ITGA1: variants seen among roughly 807,000 people sequenced by gnomAD.
The protein encoded by ITGA1 is integrin subunit alpha 1.
In ITGA1, 85 loss-of-function variants were observed where a neutral mutation model predicts 145.9. That is an observed-to-expected ratio of 0.58 (90% CI 0.49 to 0.70). ITGA1 has a LOEUF of 0.70. Among genes scored for constraint, ITGA1 ranks in the 30% least tolerant of loss-of-function variants. ITGA1 has a pLI of 0.00. For synonymous variants in ITGA1, 520 were observed against 495.3 expected (o/e 1.05, Z -0.66); for missense variants, 1,351 against 1,418.7 (o/e 0.95, Z 0.77).
At chr5:52,938,679 G>C (rs1751007991) in intron 24 of ITGA1, among the ~76,000 whole-genome samples, 1 of 152,100 alleles carries the variant, frequency 6.6e-6, no homozygotes, top group African/African-American at 2.4e-5. Flanking sequence ...AGGTTTACTA[G>C]GTTAAGTCTA....
At chr5:52,904,972 T>A (rs1750375342) in intron 11 of ITGA1, 1 of 152,172 alleles carries the variant, frequency 6.6e-6, no homozygotes, top group Admixed American at 6.5e-5. Flanking sequence ...TTAACACCTA[T>A]TAAAACATAC....
Position 52,915,509 on chromosome 5 carries a change from C to CGTGGTGA in ITGA1, c.1903_1904insGTGGTGA (p.Gln635ArgfsTer14). 1.2e-6 allele frequency: 2 copies of CGTGGTGA among 1,613,936 alleles called. No homozygotes were observed. Among genetic ancestry groups the CGTGGTGA allele is most frequent in the Non-Finnish European group, 1.7e-6 (2 of 1,179,950 alleles). On this transcript the variant is annotated frameshift_variant, in exon 15 of 29. Transcript: ENST00000282588. LOFTEE classifies it high-confidence loss of function. ...TGGTAAGACACTGAAATTTTTTGGC[C>CGTGGTGA]AGTCTATCCACGGAGAAATGGATTT...
chr5:52,954,515 T>A lies in ITGA1; in HGVS notation c.*2064T>A, dbSNP rs2111566431. 6.6e-6 allele frequency: 1 copy of A among 152,346 alleles called. No individual in the cohort carries two copies. Among genetic ancestry groups the A allele is most frequent in the East Asian group, 1.9e-4 (1 of 5,190 alleles). The allele number at this position is 152,346 out of a possible 1,614,324, so 9.4% of individuals were successfully genotyped here. ...GCTGTTGGCCAGATCAAAGAGATAC[T>A]TATAAGCCCGGCACAATTTTTAACA... On this transcript the variant is annotated 3_prime_UTR_variant, in exon 29 of 29. Transcript: ENST00000282588.
intron 1 of ITGA1, among the ~76,000 whole-genome samples, chr5:52,837,694 A>G (rs1369191136): frequency 6.6e-6 from 1 of 152,024 alleles, no homozygotes; most frequent in Non-Finnish European, 1.5e-5. Flanking sequence ...CTTCAGTTTC[A>G]AGATACTCTT....
At chr5:52,803,472 T>TAG (rs1748529253) in intron 1 of ITGA1, 1 of 152,216 alleles carries the variant, frequency 6.6e-6, no homozygotes, top group Non-Finnish European at 1.5e-5. Flanking sequence ...TTTACTCTCA[T>TAG]AATCTATGCA....
intron 9 of ITGA1, among the ~76,000 whole-genome samples, chr5:52,896,071 A>T (rs1750219000): frequency 6.6e-6 from 1 of 152,182 alleles, no homozygotes; most frequent in African/African-American, 2.4e-5. Context: ...CCCGTTGAGC[A>T]CTGGGAGAAA....
At chr5:52,859,964 G>A (rs1749572634) in intron 2 of ITGA1, among the ~76,000 whole-genome samples, 1 of 152,114 alleles carries the variant, frequency 6.6e-6, no homozygotes, top group African/African-American at 2.4e-5. Context: ...TCATGTTTAT[G>A]TGCTATCATC....
At position 52,826,415 on chromosome 5, in the gene ITGA1, G is replaced by A. The variant is rs145163531; in HGVS notation, c.62-22950G>A. 2.1e-3 allele frequency among the ~76,000 whole-genome samples: 313 copies of A among 152,380 alleles called. 2 individuals carry two copies. The highest frequency in any genetic ancestry group is 7.2e-3 in the African/African-American group (299 of 41,596). ...TAACATAAAAGTGCAAGGTGAAGCA[G>A]CAAGTGCTGATGTAGAAGCTGCAGC... On this transcript the variant is annotated intron_variant, in intron 1 of 28. Coordinates refer to ENST00000282588, the MANE Select transcript of ITGA1 (RefSeq NM_181501.2).
intron 1 of ITGA1, among the ~76,000 whole-genome samples, chr5:52,842,772 G>T (rs1053456267): frequency 1.4e-5 from 2 of 147,586 alleles, no homozygotes; most frequent in African/African-American, 5.0e-5. Context: ...TGCAACTTCT[G>T]CCTCCCAGGT....
intron 12 of ITGA1, 53 bp from the exon 13 acceptor site, chr5:52,908,845 C>T: frequency 1.3e-6 from 2 of 1,590,690 alleles, no homozygotes; most frequent in South Asian, 1.1e-5. Context: ...ATTTCAGTTT[C>T]CTTGAGAATT....
In ITGA1 at chr5:52,926,576, T is replaced by TG. The variant is rs527595779; in HGVS notation, c.2614-1006dup. Among the ~76,000 whole-genome samples the TG allele has an allele frequency of 7.6e-4, 115 of 152,258 alleles. 1 individual carries two copies. The East Asian group carries it at 0.017, about 23-fold the overall frequency. Reference sequence around the variant, plus strand: ...GAGATTGCACCACTGCACTCCAGCCTGGTGACAGAGGGAGAACAAGACTCT... The same window carrying TG: ...GAGATTGCACCACTGCACTCCAGCCTGGGTGACAGAGGGAGAACAAGACTCT... On this transcript the variant is annotated intron_variant, in intron 19 of 28. Transcript: ENST00000282588.
intron 1 of ITGA1, among the ~76,000 whole-genome samples, chr5:52,832,328 A>G (rs1004483836): frequency 1.3e-5 from 2 of 152,130 alleles, no homozygotes; most frequent in Non-Finnish European, 2.9e-5. Flanking sequence ...CAGATCTGAT[A>G]CTCATTCCTG....
At chr5:52,791,316 G>A (rs2111639941) in intron 1 of ITGA1, among the ~76,000 whole-genome samples, 1 of 152,268 alleles carries the variant, frequency 6.6e-6, no homozygotes, top group Admixed American at 6.6e-5. Flanking sequence ...GAAGCAAGGT[G>A]AGAAGAAAAA....
At chr5:52,887,730 T>C (rs1250850799) in intron 7 of ITGA1, 85 bp from the exon 8 acceptor site, 1 of 1,307,466 alleles carries the variant, frequency 7.6e-7, no homozygotes, top group Non-Finnish European at 1.0e-6. Context: ...CTACCTAGAG[T>C]AGTCAGTGTT....
In ITGA1 at chr5:52,832,765, C is replaced by CTGTGTGTGTG. The variant is rs33977926; in HGVS notation, c.62-16562_62-16553dup. 4.8e-3 allele frequency among the ~76,000 whole-genome samples: 415 copies of CTGTGTGTGTG among 86,744 alleles called. 5 individuals carry two copies. Among genetic ancestry groups the CTGTGTGTGTG allele is most frequent in the African/African-American group, 0.015 (351 of 23,090 alleles). 56.9% of individuals were successfully genotyped at this position (86,744 alleles called of 152,430 possible). Reference sequence around the variant, plus strand: ...TTTATTCTGGCAGAAATATATAAATCTGTGTGTGTGTGTGTGTGTGTGTGT... The same window carrying CTGTGTGTGTG: ...TTTATTCTGGCAGAAATATATAAATCTGTGTGTGTGTGTGTGTGTGTGTGTGTGTGTGTGT... On this transcript the variant is annotated intron_variant, in intron 1 of 28. Coordinates refer to ENST00000282588, the MANE Select transcript of ITGA1 (RefSeq NM_181501.2).
chr5:52,852,757 T>TAATGGG (rs1749448565), intron 2 of ITGA1, among the ~76,000 whole-genome samples: 5 of 152,178 alleles, frequency 3.3e-5, no homozygotes, highest in African/African-American at 1.2e-4. Context: ...CTTGCAACCC[T>TAATGGG]GGGCACTACC....
At chr5:52,879,261 A>G (rs1579693372) in intron 6 of ITGA1, among the ~76,000 whole-genome samples, 1 of 152,122 alleles carries the variant, frequency 6.6e-6, no homozygotes, top group East Asian at 1.9e-4. Context: ...TTTCAAGAAA[A>G]ACAACAGGAG....
intron 9 of ITGA1, among the ~76,000 whole-genome samples, chr5:52,896,330 C>T (rs1750223196): frequency 6.6e-6 from 1 of 152,112 alleles, no homozygotes; most frequent in African/African-American, 2.4e-5. Flanking sequence ...ATTGATCTTG[C>T]AGATAAGTGA....
chr5:52,879,900 A>G (rs1032792431), intron 6 of ITGA1, among the ~76,000 whole-genome samples: 6 of 152,172 alleles, frequency 3.9e-5, no homozygotes, highest in Non-Finnish European at 5.9e-5. Context: ...TTCTCTAGTT[A>G]TTTCTTATTT....
Sources: gnomAD v4.1 joint callset for allele counts (sites outside exome capture counted in the v4.1 genomes callset) on GRCh38, gnomAD v4.1.1 for gene constraint, MANE v1.5 for transcripts, NCBI Gene and HGNC (gene_info 2026-07-23, HGNC 2026-07-21) for gene names.